TMTC2: variants seen among roughly 807,000 people sequenced by gnomAD.
TMTC2 encodes protein O-mannosyl-transferase TMTC2.
In TMTC2, 43 loss-of-function variants were observed where a neutral mutation model predicts 82.4. That is an observed-to-expected ratio of 0.52 (90% CI 0.41 to 0.67). The LOEUF (loss-of-function observed/expected upper bound fraction) is 0.67, where lower values mean the gene tolerates loss of function less well. TMTC2 is among the 30% of genes least tolerant of loss of function. TMTC2 has a pLI of 0.00. For synonymous variants in TMTC2, 408 were observed against 381.9 expected (o/e 1.07, Z -0.80); for missense variants, 919 against 1,012.4 (o/e 0.91, Z 1.25).
In TMTC2 at chr12:82,785,356, ACC is replaced by A. The variant is rs150549652; in HGVS notation, c.84-71646_84-71645del. 3.2e-5 allele frequency among the ~76,000 whole-genome samples: 4 copies of A among 123,876 alleles called. No individual in the cohort carries two copies. The East Asian group carries it at 7.5e-4, about 23-fold the overall frequency. The allele number at this position is 123,876 out of a possible 152,430, so 81.3% of individuals were successfully genotyped here. On this transcript the variant is annotated intron_variant, in intron 1 of 11. Transcript: ENST00000321196. ...ATTTTTAATCCAAAATAAACAAACA[ACC>A]CCCCCCCGTCCCCCCCAAACACAAA...
At chr12:83,013,059 G>A (rs1002547517) in intron 8 of TMTC2, among the ~76,000 whole-genome samples, 4 of 152,072 alleles carry the variant, frequency 2.6e-5, no homozygotes, top group African/African-American at 9.7e-5. Context: ...TTTTGCTGTA[G>A]TTTTGCTGAA....
chr12:82,696,481 T>A (rs1235007004), intron 1 of TMTC2, among the ~76,000 whole-genome samples: 1 of 152,234 alleles, frequency 6.6e-6, no homozygotes. Context: ...AAGATACCAG[T>A]GTGCAGCTTG....
At chr12:83,044,319 C>T (rs899978683) in intron 9 of TMTC2, among the ~76,000 whole-genome samples, 1 of 152,094 alleles carries the variant, frequency 6.6e-6, no homozygotes, top group African/African-American at 2.4e-5. Context: ...GGGGAAAGAA[C>T]ATTGCAGGTA....
chr12:82,854,854 C>G (rs184556890), intron 1 of TMTC2, among the ~76,000 whole-genome samples: 27 of 152,062 alleles, frequency 1.8e-4, no homozygotes, highest in Non-Finnish European at 3.8e-4. Context: ...AACTTCTGAT[C>G]GGCCTATTTT....
chr12:83,052,506 G>A (rs375843041), intron 10 of TMTC2, among the ~76,000 whole-genome samples: 9 of 152,068 alleles, frequency 5.9e-5, no homozygotes, highest in Non-Finnish European at 1.3e-4. Context: ...GACAAGGTTA[G>A]GTACTGTTAC....
chr12:82,859,049 C>T (rs1871396173), intron 2 of TMTC2, among the ~76,000 whole-genome samples: 1 of 150,826 alleles, frequency 6.6e-6, no homozygotes, highest in African/African-American at 2.4e-5. Flanking sequence ...TTGCATTAGT[C>T]GCCTGTGAAA....
chr12:82,705,883 T>C (rs539925604), intron 1 of TMTC2, among the ~76,000 whole-genome samples: 1 of 152,192 alleles, frequency 6.6e-6, no homozygotes, highest in South Asian at 2.1e-4. Flanking sequence ...TACTCTAAAA[T>C]AGAGACATGC....
At chr12:82,985,712 C>G (rs1048096103) in intron 7 of TMTC2, among the ~76,000 whole-genome samples, 8 of 152,070 alleles carry the variant, frequency 5.3e-5, no homozygotes, top group Non-Finnish European at 1.0e-4. Flanking sequence ...TTTACTTGAG[C>G]CATTTTACTT....
chr12:82,833,338 G>C (rs974667385), intron 1 of TMTC2, among the ~76,000 whole-genome samples: 13 of 152,136 alleles, frequency 8.5e-5, no homozygotes. Flanking sequence ...GAGCCTTATT[G>C]CAGTTTATGG....
chr12:82,942,614 G>A (rs1235438767), intron 4 of TMTC2, among the ~76,000 whole-genome samples: 1 of 152,168 alleles, frequency 6.6e-6, no homozygotes, highest in Non-Finnish European at 1.5e-5. Context: ...ATTTGTGAAT[G>A]TAAATTCTTG....
At chr12:83,012,102 T>C (rs2137388062) in intron 8 of TMTC2, among the ~76,000 whole-genome samples, 3 of 152,260 alleles carry the variant, frequency 2.0e-5, no homozygotes, top group Middle Eastern at 6.8e-3. Flanking sequence ...TCACCTACTC[T>C]CTCTTATTAT....
chr12:82,751,296 C>T (rs958143287), intron 1 of TMTC2, among the ~76,000 whole-genome samples: 13 of 151,448 alleles, frequency 8.6e-5, no homozygotes, highest in Non-Finnish European at 1.5e-4. Flanking sequence ...GACAAAAAAC[C>T]AAACACCGCA....
At chr12:82,971,534 A>T (rs1878446294) in intron 7 of TMTC2, among the ~76,000 whole-genome samples, 1 of 152,058 alleles carries the variant, frequency 6.6e-6, no homozygotes, top group African/African-American at 2.4e-5. Flanking sequence ...ATAGGAAACT[A>T]AATTAGGCTG....
chr12:82,708,600 C>T (rs1003052020), intron 1 of TMTC2, among the ~76,000 whole-genome samples: 1 of 152,144 alleles, frequency 6.6e-6, no homozygotes, highest in Admixed American at 6.5e-5. Context: ...TGTGCTGGTC[C>T]CATCAGCCCC....
At chr12:82,886,761 G>T (rs1453994184) in intron 2 of TMTC2, among the ~76,000 whole-genome samples, 1 of 152,042 alleles carries the variant, frequency 6.6e-6, no homozygotes, top group East Asian at 1.9e-4. Flanking sequence ...TCTTTTAAAG[G>T]GAAACAGAAC....
chr12:82,917,085 T>C (rs983939527), intron 3 of TMTC2, among the ~76,000 whole-genome samples: 1 of 152,168 alleles, frequency 6.6e-6, no homozygotes, highest in African/African-American at 2.4e-5. Context: ...TCACATGAAG[T>C]GACTATCATA....
intron 1 of TMTC2, among the ~76,000 whole-genome samples, chr12:82,852,391 G>A (rs1464961256): frequency 1.3e-5 from 2 of 152,142 alleles, no homozygotes; most frequent in Admixed American, 1.3e-4. Context: ...ACAGGCGTGA[G>A]CCACCGCGCC....
intron 1 of TMTC2, among the ~76,000 whole-genome samples, chr12:82,814,162 C>T (rs142106497): frequency 5.3e-5 from 8 of 152,184 alleles, no homozygotes; most frequent in African/African-American, 1.9e-4. Context: ...AGTTAATCGG[C>T]CTGCAAAGTA....
At position 83,030,809 on chromosome 12, in the gene TMTC2, T is replaced by G; in HGVS notation, c.2082T>G (p.Ser694Arg). Residue 694 changes from serine to arginine, a missense_variant, in exon 9 of 12, where the codon AGT becomes AGG. Physicochemically the swap from Ser to Arg is moderately radical, Grantham distance 110. Transcript: ENST00000321196. ...GKLLALTGRK[S>R]EAEKLFLKAI... ...CTCTGTTTTTCAAGGGTCGTAAGAG[T>G]GAGGCTGAAAAGCTCTTCTTGAAGG... is the stretch of plus-strand genomic sequence containing the variant. 1 of 1,613,306 alleles carries G rather than the reference T, an allele frequency of 6.2e-7. No individual in the cohort carries two copies. Among genetic ancestry groups the G allele is most frequent in the Non-Finnish European group, 8.5e-7 (1 of 1,179,376 alleles).
Sources: allele counts gnomAD v4.1 joint callset (sites outside exome capture counted in the v4.1 genomes callset), GRCh38; gene constraint gnomAD v4.1.1; transcripts MANE v1.5; gene names NCBI Gene and HGNC (gene_info 2026-07-23, HGNC 2026-07-21).